Variants in PTPRK observed in about 807,000 individuals in gnomAD.
PTPRK encodes protein tyrosine phosphatase receptor type K.
In PTPRK, 75 loss-of-function variants were observed where a neutral mutation model predicts 178.0. That is an observed-to-expected ratio of 0.42 (90% CI 0.35 to 0.51). The LOEUF is 0.51. PTPRK is among the 20% of genes least tolerant of loss of function. The probability of loss-of-function intolerance (pLI) is 0.02; values close to 1 mark genes in which losing one functional copy is unlikely to be tolerated. For synonymous variants in PTPRK, 637 were observed against 620.6 expected (o/e 1.03, Z -0.39); for missense variants, 1,441 against 1,797.8 (o/e 0.80, Z 3.59).
intron 21 of PTPRK, among the ~76,000 whole-genome samples, chr6:127,989,406 A>C (rs1239411977): frequency 1.3e-5 from 2 of 151,836 alleles, no homozygotes. Context: ...ATTTTGCCTA[A>C]TTTTTTCATG....
intron 14 of PTPRK, among the ~76,000 whole-genome samples, chr6:128,008,429 A>C (rs1364370569): frequency 6.6e-6 from 1 of 150,960 alleles, no homozygotes; most frequent in Non-Finnish European, 1.5e-5. Context: ...AATGCCTTAC[A>C]GATTTATGGC....
chr6:128,069,762 A>G (rs2114952006), intron 11 of PTPRK, among the ~76,000 whole-genome samples: 1 of 152,296 alleles, frequency 6.6e-6, no homozygotes, highest in African/African-American at 2.4e-5. Flanking sequence ...TTCAATCTTA[A>G]CTAATTCTAT....
chr6:128,446,885 G>C (rs540043258), intron 1 of PTPRK, among the ~76,000 whole-genome samples: 1 of 152,098 alleles, frequency 6.6e-6, no homozygotes, highest in South Asian at 2.1e-4. Context: ...AATATCTAAA[G>C]CTTAAATAAG....
At position 127,977,030 on chromosome 6, in the gene PTPRK, T is replaced by G; in HGVS notation, c.3736A>C (p.Ile1246Leu). The G allele has an allele frequency of 6.2e-7, 1 of 1,614,060 alleles. No individual in the cohort carries two copies. Among genetic ancestry groups the G allele is most frequent in the Non-Finnish European group, 8.5e-7 (1 of 1,179,938 alleles). ...TTTGGCAGAGGGTATTGTGTGACGATGAAAGCAGCTGGTTGCCTGTAGCTC... is the reference window on the plus strand; with the variant it reads ...TTTGGCAGAGGGTATTGTGTGACGAGGAAAGCAGCTGGTTGCCTGTAGCTC... ...MDSYRQPAAF[I>L]VTQYPLPNTV... The change falls in exon 26 of 30, where the codon ATC becomes CTC. Residue 1246 changes from isoleucine (I) to leucine (L), a missense_variant. Ile to Leu is a conservative substitution (Grantham distance 5). This residue lies in a region of PTPRK where 335 missense variants were observed against 512.4 expected (regional missense o/e 0.65). Coordinates refer to ENST00000368226, the MANE Select transcript of PTPRK (RefSeq NM_002844.4).
chr6:128,372,764 A>C (rs1836467483), intron 2 of PTPRK, among the ~76,000 whole-genome samples: 1 of 152,200 alleles, frequency 6.6e-6, no homozygotes, highest in Non-Finnish European at 1.5e-5. Flanking sequence ...TACATGGAGA[A>C]GACCCCTACC....
At chr6:128,085,797 G>T (rs1271225419) in intron 8 of PTPRK, among the ~76,000 whole-genome samples, 2 of 152,184 alleles carry the variant, frequency 1.3e-5, no homozygotes, top group African/African-American at 4.8e-5. Context: ...TTGTGGCAAA[G>T]TTGTGGACAA....
chr6:128,238,965 T>C (rs1206534483), intron 5 of PTPRK, among the ~76,000 whole-genome samples: 1 of 152,066 alleles, frequency 6.6e-6, no homozygotes, highest in East Asian at 1.9e-4. Flanking sequence ...ACCCAGCATA[T>C]CAGTCATTAT....
chr6:128,083,405 T>A (rs1785164755), intron 9 of PTPRK, among the ~76,000 whole-genome samples: 1 of 151,646 alleles, frequency 6.6e-6, no homozygotes, highest in Non-Finnish European at 1.5e-5. Context: ...AAAATGAGGG[T>A]TTTTTAATAT....
At chr6:128,388,467 A>G (rs972152778) in intron 2 of PTPRK, among the ~76,000 whole-genome samples, 29 of 152,320 alleles carry the variant, frequency 1.9e-4, no homozygotes, top group East Asian at 1.7e-3. Flanking sequence ...TGGTTTAAAC[A>G]CATTTGTAGT....
chr6:128,205,739 C>G (rs138692011), intron 6 of PTPRK, among the ~76,000 whole-genome samples: 6 of 124,944 alleles, frequency 4.8e-5, no homozygotes, highest in African/African-American at 1.9e-4. Context: ...CCACTGAACT[C>G]TAGCCTGGAC....
chr6:128,467,108 G>A (rs925902135), intron 1 of PTPRK, among the ~76,000 whole-genome samples: 4 of 151,958 alleles, frequency 2.6e-5, no homozygotes, highest in African/African-American at 9.7e-5. Flanking sequence ...AGGGTGATCC[G>A]CCCACCTCAG....
chr6:128,084,339 AC>A (rs1785369374), intron 8 of PTPRK, among the ~76,000 whole-genome samples: 1 of 152,142 alleles, frequency 6.6e-6, no homozygotes, highest in African/African-American at 2.4e-5. Flanking sequence ...TTAATAGCCA[AC>A]CTTACTTTTA....
intron 1 of PTPRK, among the ~76,000 whole-genome samples, chr6:128,457,213 A>C (rs370498461): frequency 3.9e-5 from 6 of 152,186 alleles, no homozygotes; most frequent in East Asian, 3.9e-4. Flanking sequence ...TCTAAATAGC[A>C]CAGAATACAA....
At chr6:128,018,695 A>G (rs7772658) in intron 13 of PTPRK, among the ~76,000 whole-genome samples, 118,996 of 151,886 alleles carry the variant, frequency 0.78, 49,305 homozygotes, top group Non-Finnish European at 0.91. Flanking sequence ...GTACTTCATA[A>G]AGCCTCAGTA....
chr6:128,224,497 G>A (rs145953267), intron 5 of PTPRK, among the ~76,000 whole-genome samples: 13 of 152,272 alleles, frequency 8.5e-5, no homozygotes, highest in Non-Finnish European at 1.8e-4. Context: ...ACCTTGCCAT[G>A]TGGTCTACAG....
intron 7 of PTPRK, among the ~76,000 whole-genome samples, chr6:128,153,379 T>C (rs1018708643): frequency 6.6e-6 from 1 of 152,070 alleles, no homozygotes; most frequent in South Asian, 2.1e-4. Flanking sequence ...TATTAATGCA[T>C]AGTATAAGAA....
intron 3 of PTPRK, among the ~76,000 whole-genome samples, chr6:128,278,113 T>A (rs1438680362): frequency 6.6e-6 from 1 of 150,406 alleles, no homozygotes; most frequent in Non-Finnish European, 1.5e-5. Context: ...AATGCAGGTG[T>A]TTTTGTGTTT....
At chr6:128,345,917 G>A (rs1832372220) in intron 2 of PTPRK, among the ~76,000 whole-genome samples, 3 of 152,028 alleles carry the variant, frequency 2.0e-5, no homozygotes, top group South Asian at 2.1e-4. Flanking sequence ...CTCAATCTTC[G>A]TTAACTACAA....
At chr6:128,154,884 T>A (rs74670099) in intron 7 of PTPRK, among the ~76,000 whole-genome samples, 1 of 151,750 alleles carries the variant, frequency 6.6e-6, no homozygotes, top group Non-Finnish European at 1.5e-5. Flanking sequence ...CAAACCCACA[T>A]GTACCTAGAT....
Sources: gnomAD v4.1 joint callset for allele counts (sites outside exome capture counted in the v4.1 genomes callset) on GRCh38, gnomAD v4.1.1 for gene constraint, gnomAD v4.1.1 regional missense constraint, MANE v1.5 for transcripts, NCBI Gene and HGNC (gene_info 2026-07-23, HGNC 2026-07-21) for gene names.